The following TMEM87B variants were observed in gnomAD, a reference collection of about 807,000 sequenced individuals.
The protein encoded by TMEM87B is transmembrane protein 87B.
A neutral mutation model predicts 80.3 loss-of-function variants in TMEM87B; 83 were observed. That is an observed-to-expected ratio of 1.03 (90% CI 0.87 to 1.24). TMEM87B has a LOEUF of 1.24. Ranked by LOEUF, TMEM87B falls within the 50% of genes most tolerant of loss-of-function variation. The probability of loss-of-function intolerance (pLI) is 0.00; values close to 1 mark genes in which losing one functional copy is unlikely to be tolerated. For missense variants in TMEM87B, 625 were observed against 674.4 expected (o/e 0.93, Z 0.81); for synonymous variants, 219 against 230.5 (o/e 0.95, Z 0.45).
chr2:112,068,492 C>T (rs1177334246), intron 4 of TMEM87B, among the ~76,000 whole-genome samples: 3 of 152,106 alleles, frequency 2.0e-5, no homozygotes, highest in Non-Finnish European at 4.4e-5. Context: ...ATCATGAGGT[C>T]AGGAGATCGA....
At chr2:112,108,409 A>G (rs1352442910) in intron 17 of TMEM87B, among the ~76,000 whole-genome samples, 1 of 152,126 alleles carries the variant, frequency 6.6e-6, no homozygotes, top group African/African-American at 2.4e-5. Flanking sequence ...GTACTATGAT[A>G]TTCCTTTTGC....
intron 18 of TMEM87B, 95 bp from the exon 19 acceptor site, chr2:112,115,989 C>T: frequency 1.2e-6 from 1 of 857,772 alleles, no homozygotes. Context: ...TATTTAGTTT[C>T]CCTAAATGTG....
intron 17 of TMEM87B, among the ~76,000 whole-genome samples, chr2:112,112,274 C>T (rs1477031927): frequency 6.6e-6 from 1 of 152,180 alleles, no homozygotes; most frequent in Non-Finnish European, 1.5e-5. Flanking sequence ...TCTATATTAT[C>T]TTTGTTGAGC....
intron 3 of TMEM87B, among the ~76,000 whole-genome samples, chr2:112,065,664 A>G (rs55778773): frequency 0.12 from 17,296 of 149,968 alleles, 1,343 homozygotes; most frequent in East Asian, 0.25. Flanking sequence ...AAAAAAAAAA[A>G]AAGTTCACCA....
chr2:112,071,320 G>GCCCCCCCCCCCCC (rs1678628190), intron 4 of TMEM87B, among the ~76,000 whole-genome samples: 1 of 51,456 alleles, frequency 1.9e-5, no homozygotes, highest in Admixed American at 1.8e-4. Flanking sequence ...CCCCGCCGCC[G>GCCCCCCCCCCCCC]CCACCACTGC....
chr2:112,100,660 A>T lies in TMEM87B; in HGVS notation c.1415A>T (p.Glu472Val), dbSNP rs779537220. ...FMPLIDDSDD[E>V]IEEFMVTSEN... The stretch of plus-strand genomic sequence containing the variant: ...CCCTTAATAGATGATTCTGATGATG[A>T]AATTGAGGAATTCATGGTAACTTCT... Residue 472 changes from glutamate to valine, a missense_variant, in exon 15 of 19, where the codon GAA (glutamate) becomes GTA (valine). Glu to Val is a moderately radical substitution (Grantham distance 121). Coordinates refer to ENST00000283206, the MANE Select transcript of TMEM87B (RefSeq NM_032824.3). 5.0e-6 allele frequency: 8 copies of T among 1,610,062 alleles called. No individual in the cohort carries two copies. In the South Asian group the frequency reaches 6.6e-5, roughly 13 times the overall value.
At chr2:112,081,181 G>A in intron 7 of TMEM87B, 63 bp downstream of exon 7, 1 of 1,519,258 alleles carries the variant, frequency 6.6e-7, no homozygotes, top group Non-Finnish European at 9.1e-7. Context: ...AGAGCTTTGT[G>A]GTAGTAATTC....
intron 14 of TMEM87B, among the ~76,000 whole-genome samples, chr2:112,099,011 G>A (rs564314961): frequency 6.6e-6 from 1 of 151,756 alleles, no homozygotes; most frequent in Non-Finnish European, 1.5e-5. Flanking sequence ...GGAAAGGCAT[G>A]AGATACTTTG....
chr2:112,060,550 T>C (rs1488762083), intron 2 of TMEM87B, among the ~76,000 whole-genome samples: 1 of 151,974 alleles, frequency 6.6e-6, no homozygotes, highest in Non-Finnish European at 1.5e-5. Flanking sequence ...CTTTTTTTTT[T>C]TCTTGAGACA....
chr2:112,061,610 A>G (rs946928546), intron 2 of TMEM87B, among the ~76,000 whole-genome samples: 1 of 152,248 alleles, frequency 6.6e-6, no homozygotes, highest in Non-Finnish European at 1.5e-5. Flanking sequence ...AAGTCTAGAC[A>G]AAGGATTTAA....
intron 4 of TMEM87B, among the ~76,000 whole-genome samples, chr2:112,069,060 C>T (rs991807104): frequency 3.3e-5 from 5 of 151,420 alleles, no homozygotes; most frequent in South Asian, 2.1e-4. Flanking sequence ...GGCGCGGTGG[C>T]GGGCGCCTGT....
At chr2:112,098,737 T>C (rs574061634) in intron 14 of TMEM87B, 39 bp downstream of exon 14, 48 of 1,576,300 alleles carry the variant, frequency 3.0e-5, no homozygotes, top group Middle Eastern at 1.7e-4. Flanking sequence ...CAAGGATTTG[T>C]TGATCACCTT....
At chr2:112,068,010 C>T (rs898158825) in intron 4 of TMEM87B, among the ~76,000 whole-genome samples, 8 of 152,020 alleles carry the variant, frequency 5.3e-5, no homozygotes, top group African/African-American at 9.7e-5. Flanking sequence ...GTCAGTAGTT[C>T]GAGACCAGCC....
rs1253656997 is a variant in TMEM87B at position 112,055,607 on chromosome 2, C to T, written c.16C>T (p.Arg6Cys). 8 of 1,531,012 alleles carry T rather than the reference C, an allele frequency of 5.2e-6. No homozygotes were observed. The highest frequency in any genetic ancestry group is 5.2e-5 in the East Asian group (2 of 38,470). 94.8% of individuals were successfully genotyped at this position (1,531,012 alleles called of 1,614,324 possible). A position where few individuals can be genotyped will look rare whatever the true frequency, so the allele number is the denominator to read the frequency against. The change falls in exon 1 of 19, where the codon CGC becomes TGC. Residue 6 changes from arginine to cysteine, a missense_variant. Transcript: ENST00000283206. MVAAC[R>C]SVAGLLPRRR... is the part of the protein sequence containing the mutation. The stretch of plus-strand genomic sequence containing the variant: ...CCTGGTCAAGATGGTCGCCGCCTGC[C>T]GCTCGGTAGCCGGGCTCCTGCCACG...
At position 112,116,340 on chromosome 2, in the gene TMEM87B, A is replaced by G; in HGVS notation, c.*197A>G. The G allele has an allele frequency of 2.0e-6, 1 of 512,034 alleles. No homozygotes were observed. The highest frequency in any genetic ancestry group is 3.4e-6 in the Non-Finnish European group (1 of 290,462). 31.7% of individuals were successfully genotyped at this position (512,034 alleles called of 1,614,324 possible). Reference sequence around the variant, plus strand: ...ACTCTTGAGTGTCAGTTGAATATCCATTAAATTGGATTTGGAAATAACCTG... The same window carrying G: ...ACTCTTGAGTGTCAGTTGAATATCCGTTAAATTGGATTTGGAAATAACCTG... On this transcript the variant is annotated 3_prime_UTR_variant, in exon 19 of 19. Transcript: ENST00000283206.
At chr2:112,071,260 G>C (rs1310730925) in intron 4 of TMEM87B, among the ~76,000 whole-genome samples, 1 of 151,912 alleles carries the variant, frequency 6.6e-6, no homozygotes, top group African/African-American at 2.4e-5. Context: ...TTTGGCTCTT[G>C]GCTTGGCTGT....
At chr2:112,098,798 T>A in intron 14 of TMEM87B, 100 bp downstream of exon 14, 1 of 1,140,322 alleles carries the variant, frequency 8.8e-7, no homozygotes, top group Non-Finnish European at 1.3e-6. Flanking sequence ...GTCGTTGCTT[T>A]TAAGGAGTAT....
At chr2:112,115,919 A>C (rs1431306797) in intron 18 of TMEM87B, among the ~76,000 whole-genome samples, 165 bp from the exon 19 acceptor site, 2 of 152,198 alleles carry the variant, frequency 1.3e-5, no homozygotes, top group Non-Finnish European at 2.9e-5. Flanking sequence ...TACAGGCATG[A>C]GTCACTGTAC....
At chr2:112,109,760 T>C (rs1399761385) in intron 17 of TMEM87B, among the ~76,000 whole-genome samples, 2 of 80,982 alleles carry the variant, frequency 2.5e-5, no homozygotes, top group African/African-American at 1.6e-4. Flanking sequence ...CTTCAGCTAC[T>C]TTTTTTTTTT....
Sources: gnomAD v4.1 joint callset for allele counts (sites outside exome capture counted in the v4.1 genomes callset) on GRCh38, gnomAD v4.1.1 for gene constraint, MANE v1.5 for transcripts, NCBI Gene and HGNC (gene_info 2026-07-23, HGNC 2026-07-21) for gene names.